The following SLC18A2 variants were observed in gnomAD, a reference collection of about 807,000 sequenced individuals.
The protein encoded by SLC18A2 is solute carrier family 18 member A2.
Under a neutral mutation model 59.2 loss-of-function variants are expected in SLC18A2, and 33 were observed. The ratio of observed to expected loss-of-function variants is 0.56; its 90% CI spans 0.42 to 0.75. The LOEUF (loss-of-function observed/expected upper bound fraction) is 0.75, where lower values mean the gene tolerates loss of function less well. Among genes scored for constraint, SLC18A2 ranks in the 30% least tolerant of loss-of-function variants. The probability of loss-of-function intolerance (pLI) is 0.00; values close to 1 mark genes in which losing one functional copy is unlikely to be tolerated. For missense variants in SLC18A2, 569 were observed against 668.6 expected (o/e 0.85, Z 1.64); for synonymous variants, 228 against 253.5 (o/e 0.90, Z 0.95).
At chr10:117,261,290 C>T (rs1235021482) in intron 10 of SLC18A2, among the ~76,000 whole-genome samples, 5 of 152,094 alleles carry the variant, frequency 3.3e-5, no homozygotes, top group Non-Finnish European at 7.4e-5. Context: ...CCCAGCTACT[C>T]GGGAGATTGA....
intron 3 of SLC18A2, 108 bp downstream of exon 3, chr10:117,244,421 T>C (rs1056673133): frequency 4.7e-6 from 5 of 1,061,092 alleles, no homozygotes; most frequent in Admixed American, 4.9e-5. Flanking sequence ...GGAAAATCCA[T>C]GGTGGGTGAG....
In SLC18A2 at chr10:117,248,031, G is replaced by T. The variant is rs556880732; in HGVS notation, c.464+3718G>T. 9.2e-5 allele frequency among the ~76,000 whole-genome samples: 14 copies of T among 152,190 alleles called. No individual in the cohort carries two copies. In the South Asian group the frequency reaches 2.7e-3, roughly 29 times the overall value. ...ATTGCCCAGGCTGGAGTGCAGTGGG[G>T]CTATCTCGGCTCACTGCAACCTCTA... On this transcript the variant is annotated intron_variant, in intron 3 of 15. Coordinates refer to ENST00000644641, the MANE Select transcript of SLC18A2 (RefSeq NM_003054.6).
chr10:117,254,047 G>A lies in SLC18A2; in HGVS notation c.524-1G>A. The A allele has an allele frequency of 6.2e-7, 1 of 1,613,296 alleles. No individual in the cohort carries two copies. The highest frequency in any genetic ancestry group is 8.5e-7 in the Non-Finnish European group (1 of 1,180,026). ...CGGTCTTGGACCCCCTCTCTCGGCA[G>A]TGTTTGCCTTCTCCAGCAGCTATGC... On this transcript the variant is annotated splice_acceptor_variant, in intron 4 of 15. Transcript: ENST00000644641. LOFTEE classifies it high-confidence loss of function.
At position 117,269,918 on chromosome 10, in the gene SLC18A2, CT is replaced by C. The variant is rs1472588616; in HGVS notation, c.1187-152del. Among the ~76,000 whole-genome samples, 1 of 152,200 alleles carries C rather than the reference CT, an allele frequency of 6.6e-6. No homozygotes were observed. The highest frequency in any genetic ancestry group is 1.5e-5 in the Non-Finnish European group (1 of 68,038). On this transcript the variant is annotated intron_variant, in intron 13 of 15. Transcript: ENST00000644641. This position sits in a 1 kb window ranked among gnomAD's most constrained non-coding sequence, Gnocchi z 5.1. ...GAAAAGGCTTCCTTCATTCTTTCTA[CT>C]CAAAGATTAGTATCACCCCAAGACT... is the stretch of plus-strand genomic sequence containing the variant.
chr10:117,264,494 C>T (rs1805689650), intron 10 of SLC18A2, among the ~76,000 whole-genome samples: 1 of 152,170 alleles, frequency 6.6e-6, no homozygotes, highest in Non-Finnish European at 1.5e-5. Flanking sequence ...GAGACTCCAC[C>T]TCAAAAAACA....
At chr10:117,245,167 G>A (rs542672649) in intron 3 of SLC18A2, among the ~76,000 whole-genome samples, 1 of 152,244 alleles carries the variant, frequency 6.6e-6, no homozygotes, top group South Asian at 2.1e-4. Flanking sequence ...AGTGGGAGCT[G>A]GTACAGTTAA....
Position 117,244,040 on chromosome 10 carries a change from G to C in SLC18A2, c.191G>C (p.Arg64Thr). 1 of 1,614,110 alleles carries C rather than the reference G, an allele frequency of 6.2e-7. No individual in the cohort carries two copies. The highest frequency in any genetic ancestry group is 8.5e-7 in the Non-Finnish European group (1 of 1,180,034). ...EKNATEIQTA[R>T]PVHTASISDS... ...AATGCTACAGAAATCCAGACGGCCA[G>C]GCCAGTGCACACTGCCTCCATCTCA... The change falls in exon 3 of 16, where the codon AGG becomes ACG. Residue 64 changes from arginine (R) to threonine (T), a missense_variant. Transcript: ENST00000644641.
chr10:117,256,007 T>G (rs1844225683), intron 9 of SLC18A2, among the ~76,000 whole-genome samples: 1 of 152,122 alleles, frequency 6.6e-6, no homozygotes, highest in African/African-American at 2.4e-5. Context: ...CCTTGAACTT[T>G]CCGGAAGGAG....
At chr10:117,243,836 T>C in intron 2 of SLC18A2, 135 bp from the exon 3 acceptor site, 1 of 678,346 alleles carries the variant, frequency 1.5e-6, no homozygotes, top group South Asian at 2.0e-5. Flanking sequence ...TCCACCTGCC[T>C]CAGCTTCCCA....
intron 5 of SLC18A2, 112 bp from the exon 6 acceptor site, chr10:117,254,293 T>C: frequency 8.4e-7 from 1 of 1,184,328 alleles, no homozygotes; most frequent in South Asian, 1.4e-5. Context: ...TTTTAGTGAA[T>C]CTGACAGGTT....
chr10:117,276,239 A>AGAT (rs1052424302), intron 15 of SLC18A2, among the ~76,000 whole-genome samples: 10 of 152,082 alleles, frequency 6.6e-5, no homozygotes, highest in Admixed American at 1.3e-4. Context: ...CAGTGAGCTG[A>AGAT]GATCGCACCA....
At chr10:117,265,331 G>T (rs1484809195) in intron 10 of SLC18A2, among the ~76,000 whole-genome samples, 3 of 152,074 alleles carry the variant, frequency 2.0e-5, no homozygotes, top group African/African-American at 7.2e-5. Flanking sequence ...ACACTTGCCC[G>T]TGAGTGTGTG....
At position 117,244,132 on chromosome 10, in the gene SLC18A2, G is replaced by T. The variant is rs776549404; in HGVS notation, c.283G>T (p.Asp95Tyr). 5.6e-6 allele frequency: 9 copies of T among 1,614,044 alleles called. No individual in the cohort carries two copies. The highest frequency in any genetic ancestry group is 7.6e-6 in the Non-Finnish European group (9 of 1,180,050). ...STMVTGNATRDLTLHQTATQH... is the reference protein window; with the variant it reads ...STMVTGNATRYLTLHQTATQH... ...TATGGTCACCGGGAATGCTACCAGAGACCTGACACTTCATCAGACCGCCAC... is the reference window on the plus strand; with the variant it reads ...TATGGTCACCGGGAATGCTACCAGATACCTGACACTTCATCAGACCGCCAC... Residue 95 changes from aspartate to tyrosine, a missense_variant, in exon 3 of 16, where the codon GAC becomes TAC. Asp to Tyr is a radical substitution (Grantham distance 160). Transcript: ENST00000644641.
chr10:117,241,964 T>A, intron 2 of SLC18A2, 150 bp downstream of exon 2: 1 of 769,672 alleles, frequency 1.3e-6, no homozygotes, highest in South Asian at 2.0e-5. Context: ...CCCTCCAGGC[T>A]GCCGCGCCGG....
At position 117,241,781 on chromosome 10, in the gene SLC18A2, C is replaced by T. The variant is rs1207952801; in HGVS notation, c.88C>T (p.Leu30=). Residue 30 remains leucine, a synonymous_variant, in exon 2 of 16, where the codon CTG becomes TTG. Coordinates refer to ENST00000644641, the MANE Select transcript of SLC18A2 (RefSeq NM_003054.6). ...CATCCTGTTCATCGTGTTCCTGGCGCTGCTGCTGGACAACATGCTGCTCAC... is the reference window on the plus strand; with the variant it reads ...CATCCTGTTCATCGTGTTCCTGGCGTTGCTGCTGGACAACATGCTGCTCAC... ...KLILFIVFLA[L]LLDNMLLTVV... The T allele has an allele frequency of 4.3e-6, 7 of 1,611,152 alleles. No individual in the cohort carries two copies. Among genetic ancestry groups the T allele is most frequent in the Non-Finnish European group, 5.9e-6 (7 of 1,179,134 alleles).
intron 10 of SLC18A2, among the ~76,000 whole-genome samples, chr10:117,266,404 CA>C (rs1461890026): frequency 6.6e-6 from 1 of 152,176 alleles, no homozygotes; most frequent in Non-Finnish European, 1.5e-5. Flanking sequence ...TGAAATCACA[CA>C]TAAGATTGCA....
At position 117,267,677 on chromosome 10, in the gene SLC18A2, C is replaced by A; in HGVS notation, c.1127C>A (p.Pro376Gln). 6.4e-7 allele frequency: 1 copy of A among 1,561,724 alleles called. No individual in the cohort carries two copies. Among genetic ancestry groups the A allele is most frequent in the South Asian group, 1.2e-5 (1 of 86,688 alleles). ...AATGTTTATTTCCTCTTACAGATTC[C>A]ATTTGCAAAAAACATTTATGGACTC... ...IIVGVSILCIPFAKNIYGLIA... is the reference protein window; with the variant it reads ...IIVGVSILCIQFAKNIYGLIA... The change falls in exon 13 of 16, where the codon CCA becomes CAA. Residue 376 changes from proline to glutamine, a missense_variant. Pro to Gln is a moderately conservative substitution (Grantham distance 76). This residue lies in a region of SLC18A2 where 192 missense variants were observed against 278.8 expected (regional missense o/e 0.69). Coordinates refer to ENST00000644641, the MANE Select transcript of SLC18A2 (RefSeq NM_003054.6).
chr10:117,244,451 C>T, intron 3 of SLC18A2, 138 bp downstream of exon 3: 1 of 714,696 alleles, frequency 1.4e-6, no homozygotes, highest in Non-Finnish European at 2.3e-6. Flanking sequence ...ACCCAGTCCC[C>T]TTCCCCTATG....
At chr10:117,246,277 C>T (rs1036861286) in intron 3 of SLC18A2, among the ~76,000 whole-genome samples, 2 of 152,164 alleles carry the variant, frequency 1.3e-5, no homozygotes, top group Non-Finnish European at 2.9e-5. Context: ...CTTAGAAATT[C>T]GGCTGAAATG....
Sources: allele counts gnomAD v4.1 joint callset (sites outside exome capture counted in the v4.1 genomes callset), GRCh38; gene constraint gnomAD v4.1.1; regional missense constraint gnomAD v4.1.1; non-coding constraint Gnocchi (gnomAD v3.1); transcripts MANE v1.5; gene names NCBI Gene and HGNC (gene_info 2026-07-23, HGNC 2026-07-21).